LIMK2: variants seen among roughly 807,000 people sequenced by gnomAD.
The protein encoded by LIMK2 is LIM domain kinase 2.
A neutral mutation model predicts 75.7 loss-of-function variants in LIMK2; 35 were observed. That is an observed-to-expected ratio of 0.46 (90% CI 0.35 to 0.61). LIMK2 has a LOEUF of 0.61. Ranked by LOEUF, LIMK2 falls within the 20% of genes least tolerant of loss-of-function variation. The pLI is 0.00. For synonymous variants in LIMK2, 301 were observed against 319.2 expected, an observed-to-expected ratio of 0.94 and a Z score of 0.61; for missense variants, 623 against 831.0, an observed-to-expected ratio of 0.75 and a Z score of 3.08.
chr22:31,236,501 CAGG>C (rs1332100554), intron 2 of LIMK2, among the ~76,000 whole-genome samples: 1 of 150,006 alleles, frequency 6.7e-6, no homozygotes, highest in East Asian at 2.0e-4. Flanking sequence ...CCCAGCTACT[CAGG>C]AGGCTGAGGC....
At chr22:31,267,666 G>T (rs1332598402) in intron 9 of LIMK2, 110 bp from the exon 10 acceptor site, 12 of 1,176,262 alleles carry the variant, frequency 1.0e-5, no homozygotes, top group Non-Finnish European at 9.5e-6. Context: ...CAAGATAGGA[G>T]GTAGGAGATA....
chr22:31,239,912 A>G (rs370609768), intron 2 of LIMK2, among the ~76,000 whole-genome samples: 13 of 152,330 alleles, frequency 8.5e-5, no homozygotes, highest in African/African-American at 2.4e-4. Context: ...GCAAGAGCTT[A>G]TCTTTTGAGG....
At chr22:31,276,936 G>A (rs778142900) in intron 15 of LIMK2, 5 of 1,613,638 alleles carry the variant, frequency 3.1e-6, no homozygotes, top group Non-Finnish European at 4.2e-6. Context: ...AGCAGCTCAC[G>A]CGCCTCTACG....
chr22:31,270,574 G>A (rs990938422), intron 11 of LIMK2, among the ~76,000 whole-genome samples: 8 of 152,206 alleles, frequency 5.3e-5, no homozygotes, highest in African/African-American at 9.7e-5. Context: ...GAGGCCTGGA[G>A]AGGAGACATA....
Position 31,258,402 on chromosome 22 carries a change from C to T in LIMK2, c.228C>T (p.Ser76=). 1.2e-6 allele frequency: 2 copies of T among 1,614,060 alleles called. No individual in the cohort carries two copies. The highest frequency in any genetic ancestry group is 1.7e-6 in the Non-Finnish European group (2 of 1,179,966). Reference sequence around the variant, plus strand: ...TTGGGGAGTTCTGTCATGGGTGCTCCCTGCTGATGACAGGGCCTTTTATGG... The same window carrying T: ...TTGGGGAGTTCTGTCATGGGTGCTCTCTGCTGATGACAGGGCCTTTTATGG... ...GKFGEFCHGC[S]LLMTGPFMVA... is the part of the protein sequence containing the mutation. Residue 76 remains serine (S), a synonymous_variant, in exon 3 of 16, where the codon TCC becomes TCT. Coordinates refer to ENST00000331728, the MANE Select transcript of LIMK2 (RefSeq NM_005569.4).
rs559590834 is a variant in LIMK2, at chr22:31,225,631, G to C, written c.17-89G>C. On this transcript the variant is annotated intron_variant, in intron 1 of 15. Coordinates refer to ENST00000331728, the MANE Select transcript of LIMK2 (RefSeq NM_005569.4). Reference sequence around the variant, plus strand: ...GCCTAACCCTTTCAAATGAGATGCTGTTAACTCAGTCTTATTCTACATGGT... The same window carrying C: ...GCCTAACCCTTTCAAATGAGATGCTCTTAACTCAGTCTTATTCTACATGGT... 3.2e-6 allele frequency: 3 copies of C among 932,746 alleles called. No homozygotes were observed. The South Asian group carries it at 4.2e-5, about 13-fold the overall frequency. The allele number at this position is 932,746 out of a possible 1,614,324, so 57.8% of individuals were successfully genotyped here. A position where few individuals can be genotyped will look rare whatever the true frequency, so the allele number is the denominator to read the frequency against.
intron 1 of LIMK2, among the ~76,000 whole-genome samples, chr22:31,225,391 C>A (rs2048469394): frequency 6.6e-6 from 1 of 152,156 alleles, no homozygotes; most frequent in South Asian, 2.1e-4. Flanking sequence ...GTGTTCGTTT[C>A]TTCTTCTCAG....
intron 12 of LIMK2, among the ~76,000 whole-genome samples, chr22:31,272,227 A>AT (rs34015226): frequency 0.2 from 26,495 of 130,906 alleles, 4,271 homozygotes; most frequent in East Asian, 0.71. Context: ...CGCCCAGCTA[A>AT]TTTTTTTTTT....
chr22:31,269,858 G>T (rs1168518214), intron 11 of LIMK2, among the ~76,000 whole-genome samples: 1 of 152,132 alleles, frequency 6.6e-6, no homozygotes, highest in Non-Finnish European at 1.5e-5. Context: ...CTGCATAGGG[G>T]GCTAATGAAA....
At chr22:31,252,585 TAAAGG>T (rs2048735882) in intron 2 of LIMK2, among the ~76,000 whole-genome samples, 1 of 51,672 alleles carries the variant, frequency 1.9e-5, no homozygotes, top group Non-Finnish European at 3.2e-5. Flanking sequence ...GATAGATAAA[TAAAGG>T]TCATTTTAGG....
intron 1 of LIMK2, chr22:31,222,969 G>A (rs1341719973): frequency 4.6e-5 from 7 of 152,154 alleles, no homozygotes; most frequent in Admixed American, 4.6e-4. Context: ...GAAGTAAGAT[G>A]GAATGGGATC....
chr22:31,222,970 G>A (rs923757367), intron 1 of LIMK2: 1 of 152,170 alleles, frequency 6.6e-6, no homozygotes, highest in Non-Finnish European at 1.5e-5. Flanking sequence ...AAGTAAGATG[G>A]AATGGGATCC....
intron 2 of LIMK2, among the ~76,000 whole-genome samples, chr22:31,244,451 C>G (rs1394852431): frequency 6.6e-6 from 1 of 152,146 alleles, no homozygotes; most frequent in Admixed American, 6.5e-5. Context: ...TTGCTCCCAG[C>G]TCTCCAGCTG....
At position 31,237,611 on chromosome 22, in the gene LIMK2, C is replaced by T. The variant is rs2048590541; in HGVS notation, c.116+11792C>T. 1.3e-5 allele frequency among the ~76,000 whole-genome samples: 2 copies of T among 151,278 alleles called. 1 individual carries two copies. The highest frequency in any genetic ancestry group is 4.2e-4 in the South Asian group (2 of 4,800). On this transcript the variant is annotated intron_variant, in intron 2 of 15. Coordinates refer to ENST00000331728, the MANE Select transcript of LIMK2 (RefSeq NM_005569.4). ...AAACTTACTACCTACCTCCTTACAA[C>T]CTACCCTCACAGTATTACTGTGAAT... is the stretch of plus-strand genomic sequence containing the variant.
Position 31,278,395 on chromosome 22 carries a change from A to C in LIMK2, c.1871A>C (p.His624Pro). ...CCTGCAGAGCTGGAGGAGTTGGACC[A>C]CACTGTGAGCATGCAGTACGGCCTG... The part of the protein sequence containing the change: ...PLPAELEELD[H>P]TVSMQYGLTR... The change falls in exon 16 of 16, where the codon CAC becomes CCC. Residue 624 changes from histidine to proline, a missense_variant. Around this residue, in one of 3 missense-constraint regions of LIMK2, gnomAD observed 46 missense variants for 46.9 expected, o/e 0.98. Coordinates refer to ENST00000331728, the MANE Select transcript of LIMK2 (RefSeq NM_005569.4). 6.2e-7 allele frequency: 1 copy of C among 1,613,852 alleles called. No homozygotes were observed. The highest frequency in any genetic ancestry group is 8.5e-7 in the Non-Finnish European group (1 of 1,179,924).
At chr22:31,245,104 T>C in intron 2 of LIMK2, among the ~76,000 whole-genome samples, 1 of 152,172 alleles carries the variant, frequency 6.6e-6, no homozygotes, top group Non-Finnish European at 1.5e-5. Flanking sequence ...AGTGCTTCCT[T>C]CTTCTGGCTG....
At chr22:31,261,403 G>A (rs1020806568) in intron 5 of LIMK2, among the ~76,000 whole-genome samples, 2 of 152,232 alleles carry the variant, frequency 1.3e-5, no homozygotes, top group Admixed American at 6.5e-5. Flanking sequence ...AAAATTAGCC[G>A]GGCATGGTGG....
At chr22:31,235,934 C>G (rs938514525) in intron 2 of LIMK2, among the ~76,000 whole-genome samples, 6 of 152,226 alleles carry the variant, frequency 3.9e-5, no homozygotes, top group African/African-American at 1.4e-4. Flanking sequence ...AATCCTGGTT[C>G]TGCCTTTTAT....
In LIMK2 at chr22:31,228,804, G is replaced by A. The variant is rs116074244; in HGVS notation, c.116+2985G>A. Among the ~76,000 whole-genome samples the A allele has an allele frequency of 4.7e-3, 709 of 151,948 alleles. 5 individuals carry two copies. Among genetic ancestry groups the A allele is most frequent in the African/African-American group, 0.016 (665 of 41,408 alleles). On this transcript the variant is annotated intron_variant, in intron 2 of 15. Transcript: ENST00000331728. ...AAAAATACAAAAATATTAGCCAGGCGTGATGGCACACACCTGTAGTCCCAG... is the reference window on the plus strand; with the variant it reads ...AAAAATACAAAAATATTAGCCAGGCATGATGGCACACACCTGTAGTCCCAG...
Sources: allele counts gnomAD v4.1 joint callset (sites outside exome capture counted in the v4.1 genomes callset), GRCh38; gene constraint gnomAD v4.1.1; regional missense constraint gnomAD v4.1.1; transcripts MANE v1.5; gene names NCBI Gene and HGNC (gene_info 2026-07-23, HGNC 2026-07-21).